NOS3: variants seen among roughly 807,000 people sequenced by gnomAD.
The protein encoded by NOS3 is nitric oxide synthase 3.
In NOS3, 98 loss-of-function variants were observed where a neutral mutation model predicts 144.9. The ratio of observed to expected loss-of-function variants is 0.68; its 90% CI spans 0.57 to 0.80. NOS3 has a LOEUF of 0.80. Among genes scored for constraint, NOS3 ranks in the 30% least tolerant of loss-of-function variants. The pLI is 0.00. For synonymous variants in NOS3, 714 were observed against 702.4 expected, an observed-to-expected ratio of 1.02 and a Z score of -0.26; for missense variants, 1,465 against 1,656.4, an observed-to-expected ratio of 0.88 and a Z score of 2.01.
At chr7:150,997,877 C>T (rs1281225957) in intron 5 of NOS3, among the ~76,000 whole-genome samples, 1 of 152,164 alleles carries the variant, frequency 6.6e-6, no homozygotes, top group Admixed American at 6.5e-5. Flanking sequence ...ACCTCCCAGC[C>T]TCCTCCTGGG....
In NOS3 at chr7:151,013,736, G is replaced by T. The variant is rs769519431; in HGVS notation, c.3268G>T (p.Asp1090Tyr). The T allele has an allele frequency of 1.2e-6, 2 of 1,608,062 alleles. No homozygotes were observed. The highest frequency in any genetic ancestry group is 1.3e-5 in the African/African-American group (1 of 75,006). ...EPDNPKTYVQ[D>Y]ILRTELAAEV... ...CGCCGCCCCGCAGACCTACGTGCAGGACATCCTGAGGACGGAGCTGGCTGC... is the reference window on the plus strand; with the variant it reads ...CGCCGCCCCGCAGACCTACGTGCAGTACATCCTGAGGACGGAGCTGGCTGC... The change falls in exon 26 of 27, where the codon GAC becomes TAC. Residue 1090 changes from aspartate (D) to tyrosine (Y), a missense_variant. Asp to Tyr is a radical substitution (Grantham distance 160). Coordinates refer to ENST00000297494, the MANE Select transcript of NOS3 (RefSeq NM_000603.5).
At chr7:150,994,698 T>G (rs1802329455) in intron 2 of NOS3, among the ~76,000 whole-genome samples, 1 of 152,174 alleles carries the variant, frequency 6.6e-6, no homozygotes, top group Admixed American at 6.5e-5. Context: ...AGGCGCACCC[T>G]TGGCCTGAGT....
intron 17 of NOS3, 31 bp downstream of exon 17, chr7:151,007,307 C>G: frequency 6.4e-7 from 1 of 1,566,122 alleles, no homozygotes; most frequent in Non-Finnish European, 8.6e-7. Context: ...GCTCTGACTC[C>G]TGCCCCCTGG....
chr7:150,994,567 C>CG (rs1802325921), intron 2 of NOS3, among the ~76,000 whole-genome samples: 2 of 152,104 alleles, frequency 1.3e-5, no homozygotes. Flanking sequence ...AGAGTCCTCC[C>CG]GGGGGTAGAG....
rs764127718 is a variant in NOS3, at chr7:150,998,571, C to T, written c.707C>T (p.Pro236Leu). ...SAITVFPQRCPGRGDFRIWNS... is the reference protein window; with the variant it reads ...SAITVFPQRCLGRGDFRIWNS... ...ATCACAGTGTTCCCGCAGCGCTGCC[C>T]TGGCCGAGGAGACTTCCGAATCTGG... The change falls in exon 7 of 27, where the codon CCT becomes CTT. Residue 236 changes from proline to leucine, a missense_variant. Around this residue, in one of 5 missense-constraint regions of NOS3, gnomAD observed 374 missense variants for 377.0 expected, o/e 0.99. Coordinates refer to ENST00000297494, the MANE Select transcript of NOS3 (RefSeq NM_000603.5). The surrounding 1 kb of genome is among the most constrained non-coding windows in gnomAD (Gnocchi z 5.0). 5 of 1,609,460 alleles carry T rather than the reference C, an allele frequency of 3.1e-6. No individual in the cohort carries two copies. The Admixed American group carries it at 6.7e-5, about 22-fold the overall frequency.
chr7:151,008,819 A>G (rs2117130804), intron 17 of NOS3, 111 bp from the exon 18 acceptor site: 1 of 1,277,838 alleles, frequency 7.8e-7, no homozygotes, highest in Non-Finnish European at 1.0e-6. Context: ...GGCCTCAGCC[A>G]CTGGGGCTGC....
chr7:151,003,256 G>C lies in NOS3; in HGVS notation c.1752+952G>C, dbSNP rs1270222231. On this transcript the variant is annotated intron_variant, in intron 14 of 26. Transcript: ENST00000297494. The surrounding 1 kb of genome is among the most constrained non-coding windows in gnomAD (Gnocchi z 4.1). ...TCCTCCCACTTCAACCTCCCAAGTA[G>C]TTGGGACTACAGGCGCATGCCATGA... The C allele has an allele frequency of 2.2e-6, 1 of 459,540 alleles. No homozygotes were observed. Among genetic ancestry groups the C allele is most frequent in the Non-Finnish European group, 4.3e-6 (1 of 232,412 alleles). The allele number at this position is 459,540 out of a possible 1,614,324, so 28.5% of individuals were successfully genotyped here.
chr7:151,010,323 G>A (rs767160934), intron 21 of NOS3, 36 bp downstream of exon 21: 1 of 1,576,582 alleles, frequency 6.3e-7, no homozygotes, highest in Non-Finnish European at 8.6e-7. Context: ...AGGGGCTAGA[G>A]AGACGGGATG....
intron 2 of NOS3, among the ~76,000 whole-genome samples, chr7:150,994,969 G>A (rs1024671513): frequency 1.3e-5 from 2 of 152,148 alleles, no homozygotes; most frequent in Non-Finnish European, 2.9e-5. Flanking sequence ...TGCGAACTTA[G>A]CCTCGGGTCA....
intron 17 of NOS3, 42 bp from the exon 18 acceptor site, chr7:151,008,888 T>C: frequency 2.6e-6 from 4 of 1,567,178 alleles, no homozygotes; most frequent in Non-Finnish European, 3.5e-6. Flanking sequence ...GGGCGACCCC[T>C]GGTGGCGGGA....
intron 20 of NOS3, 25 bp downstream of exon 20, chr7:151,009,610 A>G (rs1795263321): frequency 6.7e-7 from 1 of 1,494,416 alleles, no homozygotes; most frequent in Non-Finnish European, 8.9e-7. Context: ...GGGAAGCAAC[A>G]GGGCACACCA....
intron 14 of NOS3, among the ~76,000 whole-genome samples, chr7:151,006,031 A>G (rs1177692578): frequency 6.6e-6 from 1 of 152,208 alleles, no homozygotes; most frequent in Non-Finnish European, 1.5e-5. Flanking sequence ...TAAAAACAAT[A>G]CTACTACTTA....
chr7:151,012,096 C>T (rs1481432381), intron 23 of NOS3: 14 of 441,646 alleles, frequency 3.2e-5, no homozygotes, highest in Non-Finnish European at 5.4e-5. Flanking sequence ...TCACCCTTCC[C>T]ACGTTTTCTA....
Position 151,002,155 on chromosome 7 carries a change from C to T in NOS3, c.1648-45C>T, listed in dbSNP as rs941777938. ...GAGGCCAGAGTGAGGAGGGCAGGGC[C>T]TCCGGGGGCCACAGCACCCAGGACA... On this transcript the variant is annotated intron_variant, in intron 13 of 26. Coordinates refer to ENST00000297494, the MANE Select transcript of NOS3 (RefSeq NM_000603.5). The surrounding 1 kb of genome is among the most constrained non-coding windows in gnomAD (Gnocchi z 4.1). 2.8e-6 allele frequency: 4 copies of T among 1,447,888 alleles called. No individual in the cohort carries two copies. Among genetic ancestry groups the T allele is most frequent in the Non-Finnish European group, 3.8e-6 (4 of 1,047,250 alleles). The allele number at this position is 1,447,888 out of a possible 1,614,324, so 89.7% of individuals were successfully genotyped here.
chr7:151,004,356 A>G (rs1795174900), intron 14 of NOS3, among the ~76,000 whole-genome samples: 1 of 152,226 alleles, frequency 6.6e-6, no homozygotes, highest in Non-Finnish European at 1.5e-5. Context: ...ACAAATAAAT[A>G]AAATAAAACT....
intron 23 of NOS3, chr7:151,011,887 G>A (rs1490671125): frequency 2.5e-5 from 10 of 407,058 alleles, no homozygotes; most frequent in East Asian, 8.2e-5. Context: ...GCCCGCTCTC[G>A]CAGCCAGGAA....
chr7:151,003,452 T>C lies in NOS3; in HGVS notation c.1752+1148T>C, dbSNP rs1157486505. 3 of 1,216,444 alleles carry C rather than the reference T, an allele frequency of 2.5e-6. No homozygotes were observed. The highest frequency in any genetic ancestry group is 2.9e-5 in the Admixed American group (1 of 33,996). 75.4% of individuals were successfully genotyped at this position (1,216,444 alleles called of 1,614,324 possible). On this transcript the variant is annotated intron_variant, in intron 14 of 26. Transcript: ENST00000297494. The surrounding 1 kb of genome is among the most constrained non-coding windows in gnomAD (Gnocchi z 4.1). ...TCAGTATCTTAAGCAAGTTGGAATC[T>C]CGTGAAACCCTTTTTGCTGCCTTAG...
At chr7:150,992,952 C>G (rs545556532) in intron 1 of NOS3, among the ~76,000 whole-genome samples, 7 of 152,128 alleles carry the variant, frequency 4.6e-5, no homozygotes, top group Admixed American at 2.0e-4. Flanking sequence ...TTTCCCTAGT[C>G]CCCCATGCTC....
Position 150,996,567 on chromosome 7 carries a change from G to C in NOS3, c.419+15G>C. ...TCCATTAAGAGGTGACAGCTTCCCG[G>C]ACGCCACAGCCTCCCTTGTCCCACT... On this transcript the variant is annotated intron_variant, in intron 4 of 26. Transcript: ENST00000297494. 1 of 1,582,416 alleles carries C rather than the reference G, an allele frequency of 6.3e-7. No individual in the cohort carries two copies.
Sources: gnomAD v4.1 joint callset for allele counts (sites outside exome capture counted in the v4.1 genomes callset) on GRCh38, gnomAD v4.1.1 for gene constraint, gnomAD v4.1.1 regional missense constraint, Gnocchi (gnomAD v3.1) non-coding constraint, MANE v1.5 for transcripts, NCBI Gene and HGNC (gene_info 2026-07-23, HGNC 2026-07-21) for gene names.